The following MGAT4C variants were observed in gnomAD, a reference collection of about 807,000 sequenced individuals.
MGAT4C encodes alpha-1,3-mannosyl-glycoprotein 4-beta-N-acetylglucosaminyltransferase C.
A neutral mutation model predicts 40.1 loss-of-function variants in MGAT4C; 19 were observed. That is an observed-to-expected ratio of 0.47 (90% CI 0.33 to 0.70). The LOEUF (loss-of-function observed/expected upper bound fraction) is 0.70. MGAT4C is among the 30% of genes least tolerant of loss of function. MGAT4C has a pLI of 0.02. For synonymous variants in MGAT4C, 181 were observed against 187.1 expected (o/e 0.97, Z 0.27); for missense variants, 491 against 563.2 (o/e 0.87, Z 1.30).
chr12:86,228,484 C>A (rs1211150279), intron 1 of MGAT4C, among the ~76,000 whole-genome samples: 1 of 151,278 alleles, frequency 6.6e-6, no homozygotes, highest in Admixed American at 6.6e-5. Flanking sequence ...AAGAAAACAC[C>A]CTTCAAACAC....
intron 4 of MGAT4C, among the ~76,000 whole-genome samples, chr12:86,323,850 C>A (rs1954458410): frequency 6.6e-6 from 1 of 151,896 alleles, no homozygotes; most frequent in South Asian, 2.1e-4. Context: ...CCTAAAGCTA[C>A]TAAATCTTTG....
intron 3 of MGAT4C, among the ~76,000 whole-genome samples, chr12:86,396,048 A>G (rs1408648484): frequency 6.6e-6 from 1 of 152,110 alleles, no homozygotes; most frequent in East Asian, 1.9e-4. Flanking sequence ...CTCTTTTACT[A>G]TAGAATTTTT....
At chr12:86,775,580 A>C (rs1275840698) in intron 1 of MGAT4C, among the ~76,000 whole-genome samples, 1 of 151,686 alleles carries the variant, frequency 6.6e-6, no homozygotes. Flanking sequence ...TAAAGTTTTT[A>C]TAAATGCTAT....
At chr12:86,174,401 TTGTTG>T (rs965854726) in intron 1 of MGAT4C, among the ~76,000 whole-genome samples, 21 of 152,204 alleles carry the variant, frequency 1.4e-4, no homozygotes, top group African/African-American at 5.1e-4. Context: ...AGCCTTAATT[TTGTTG>T]TGTTATGTGC....
intron 2 of MGAT4C, among the ~76,000 whole-genome samples, chr12:86,556,572 G>A (rs190462159): frequency 1.4e-3 from 215 of 152,084 alleles, no homozygotes; most frequent in African/African-American, 4.8e-3. Flanking sequence ...TACTGTTTTT[G>A]TTTTATCTAT....
intron 1 of MGAT4C, among the ~76,000 whole-genome samples, chr12:86,238,790 C>G (rs1404774435): frequency 6.6e-6 from 1 of 151,978 alleles, no homozygotes; most frequent in East Asian, 1.9e-4. Flanking sequence ...TCAAATGAGA[C>G]AATGAATGTG....
At chr12:86,158,198 C>A (rs1303977020) in intron 1 of MGAT4C, among the ~76,000 whole-genome samples, 1 of 152,034 alleles carries the variant, frequency 6.6e-6, no homozygotes, top group African/African-American at 2.4e-5. Flanking sequence ...GTTTCCAGAG[C>A]ACATAGGGAG....
At chr12:86,494,192 A>T (rs74913403) in intron 2 of MGAT4C, among the ~76,000 whole-genome samples, 9,796 of 151,944 alleles carry the variant, frequency 0.064, 748 homozygotes, top group East Asian at 0.24. Flanking sequence ...GCAATTTTCC[A>T]TTCTTGAATA....
intron 2 of MGAT4C, among the ~76,000 whole-genome samples, chr12:86,718,641 G>A (rs1162844220): frequency 1.3e-5 from 2 of 152,122 alleles, no homozygotes; most frequent in Non-Finnish European, 2.9e-5. Flanking sequence ...GAACCAGGCT[G>A]CACAGCAGGA....
intron 2 of MGAT4C, among the ~76,000 whole-genome samples, chr12:86,512,263 T>A (rs1321458037): frequency 6.6e-6 from 1 of 152,030 alleles, no homozygotes; most frequent in Non-Finnish European, 1.5e-5. Flanking sequence ...AAATAACAGA[T>A]TTGGGTAAGA....
chr12:86,458,172 T>C (rs905849378), intron 2 of MGAT4C, among the ~76,000 whole-genome samples: 5 of 152,152 alleles, frequency 3.3e-5, no homozygotes, highest in South Asian at 2.1e-4. Context: ...ACCTTAAATT[T>C]ATTTTAGAAG....
rs12426474 is a variant in MGAT4C, at chr12:86,603,387, C to T, written c.-229+123822G>A. Among the ~76,000 whole-genome samples the T allele has an allele frequency of 5.5e-3, 675 of 123,466 alleles. 39 individuals are homozygous for T. The East Asian group carries it at 0.12, about 22-fold the overall frequency. 81.0% of individuals were successfully genotyped at this position (123,466 alleles called of 152,430 possible). Reference sequence around the variant, plus strand: ...TATGCTATATACTATATATACTATACTATATAATATATATTATATATTAGT... The same window carrying T: ...TATGCTATATACTATATATACTATATTATATAATATATATTATATATTAGT... On this transcript the variant is annotated intron_variant, in intron 2 of 7. Coordinates refer to the MGAT4C transcript ENST00000548651.
At chr12:86,536,429 A>G (rs1414846677) in intron 2 of MGAT4C, among the ~76,000 whole-genome samples, 1 of 152,174 alleles carries the variant, frequency 6.6e-6, no homozygotes, top group East Asian at 1.9e-4. Flanking sequence ...AAAAGGAAAT[A>G]AAATCATATT....
At chr12:86,309,958 G>T (rs1954028328) in intron 4 of MGAT4C, among the ~76,000 whole-genome samples, 1 of 152,044 alleles carries the variant, frequency 6.6e-6, no homozygotes, top group Non-Finnish European at 1.5e-5. Flanking sequence ...GTAGGAGAAG[G>T]AGAAGGAGGA....
At chr12:86,503,711 CAT>C (rs1192756435) in intron 2 of MGAT4C, among the ~76,000 whole-genome samples, 2 of 61,634 alleles carry the variant, frequency 3.2e-5, no homozygotes, top group Non-Finnish European at 5.8e-5. Flanking sequence ...GAGTTCTGCT[CAT>C]ATATATATAT....
chr12:86,241,136 G>A (rs1351729506), intron 1 of MGAT4C, among the ~76,000 whole-genome samples: 3 of 152,198 alleles, frequency 2.0e-5, no homozygotes, highest in African/African-American at 7.2e-5. Flanking sequence ...ATATCCATCT[G>A]TCCCTCACTG....
intron 1 of MGAT4C, among the ~76,000 whole-genome samples, chr12:86,210,815 T>C (rs185308249): frequency 6.6e-6 from 1 of 152,288 alleles, no homozygotes; most frequent in East Asian, 1.9e-4. Context: ...ACTTTGTCTC[T>C]CTCAGGATAA....
In MGAT4C at chr12:86,080,215, C is replaced by T. The variant is rs183328627; in HGVS notation, c.-56-30492G>A. Among the ~76,000 whole-genome samples the T allele has an allele frequency of 7.2e-5, 11 of 152,160 alleles. No individual in the cohort carries two copies. In the East Asian group the frequency reaches 1.4e-3, roughly 19 times the overall value. Reference sequence around the variant, plus strand: ...GTCTCCTGTTGTATCTATTAATAAACATTCTGGCTTTAGTTATAGAGATTG... The same window carrying T: ...GTCTCCTGTTGTATCTATTAATAAATATTCTGGCTTTAGTTATAGAGATTG... On this transcript the variant is annotated intron_variant, in intron 1 of 4. Transcript: ENST00000611864.
intron 4 of MGAT4C, among the ~76,000 whole-genome samples, chr12:86,269,970 T>TCCCC (rs757845404): frequency 1.6e-3 from 251 of 152,274 alleles, no homozygotes; most frequent in Non-Finnish European, 2.0e-3. Flanking sequence ...ATAAAGTATA[T>TCCCC]TCACGCTGTT....
Sources: gnomAD v4.1 joint callset for allele counts (sites outside exome capture counted in the v4.1 genomes callset) on GRCh38, gnomAD v4.1.1 for gene constraint, MANE v1.5 for transcripts, NCBI Gene and HGNC (gene_info 2026-07-23, HGNC 2026-07-21) for gene names.